VTCN1: variants seen among roughly 807,000 people sequenced by gnomAD.
The protein encoded by VTCN1 is V-set domain-containing T-cell activation inhibitor 1.
In VTCN1, 26 loss-of-function variants were observed where a neutral mutation model predicts 26.5. The observed-to-expected ratio is 0.98, with a 90% CI of 0.72 to 1.36. The LOEUF (loss-of-function observed/expected upper bound fraction) is 1.36. VTCN1 is among the 40% of genes most tolerant of loss of function. VTCN1 has a pLI of 0.00. For synonymous variants in VTCN1, 116 were observed against 130.7 expected, an observed-to-expected ratio of 0.89 and a Z score of 0.77; for missense variants, 298 against 337.7, an observed-to-expected ratio of 0.88 and a Z score of 0.92.
chr1:117,164,482 C>T (rs1025969307), intron 2 of VTCN1, among the ~76,000 whole-genome samples: 6 of 151,974 alleles, frequency 3.9e-5, no homozygotes, highest in African/African-American at 1.5e-4. Context: ...GGAAATTGTG[C>T]AGTTCCTAGG....
At chr1:117,184,321 G>A (rs1029639888) in intron 1 of VTCN1, among the ~76,000 whole-genome samples, 1 of 151,942 alleles carries the variant, frequency 6.6e-6, no homozygotes, top group Non-Finnish European at 1.5e-5. Flanking sequence ...GGCTATCTGC[G>A]AGGCTGACTG....
At chr1:117,186,903 T>C (rs1413753623) in intron 1 of VTCN1, among the ~76,000 whole-genome samples, 2 of 152,032 alleles carry the variant, frequency 1.3e-5, no homozygotes, top group African/African-American at 4.8e-5. Context: ...ATTGACCCTG[T>C]TCTTGAATTC....
At chr1:117,157,564 A>T (rs1652153007) in intron 2 of VTCN1, among the ~76,000 whole-genome samples, 1 of 152,208 alleles carries the variant, frequency 6.6e-6, no homozygotes, top group African/African-American at 2.4e-5. Context: ...CCATGATTCA[A>T]ATGATCTCCC....
rs973450477 is a variant in VTCN1, at chr1:117,147,205, G to A, written c.*45+408C>T. On this transcript the variant is annotated intron_variant, in intron 5 of 5. Coordinates refer to ENST00000369458, the MANE Select transcript of VTCN1 (RefSeq NM_024626.4). This position sits in a 1 kb window ranked among gnomAD's most constrained non-coding sequence, Gnocchi z 4.6. ...AGGAGGGCTAGTTGGTGAGTCATCTGCCAACTGTCCACAGGGGCCGGCTGG... is the reference window on the plus strand; with the variant it reads ...AGGAGGGCTAGTTGGTGAGTCATCTACCAACTGTCCACAGGGGCCGGCTGG... 6.6e-6 allele frequency among the ~76,000 whole-genome samples: 1 copy of A among 152,164 alleles called. No homozygotes were observed. Among genetic ancestry groups the A allele is most frequent in the African/African-American group, 2.4e-5 (1 of 41,434 alleles).
At chr1:117,176,823 G>A (rs898976794) in intron 1 of VTCN1, among the ~76,000 whole-genome samples, 2 of 152,228 alleles carry the variant, frequency 1.3e-5, no homozygotes, top group African/African-American at 4.8e-5. Context: ...TTAAGGCTGA[G>A]TGTGGTGGCT....
At chr1:117,190,533 C>T (rs1648193258) in intron 1 of VTCN1, among the ~76,000 whole-genome samples, 1 of 152,188 alleles carries the variant, frequency 6.6e-6, no homozygotes, top group East Asian at 1.9e-4. Context: ...GATAACAAGC[C>T]CACTGTCCAC....
At chr1:117,194,101 A>G (rs1336495091) in intron 1 of VTCN1, among the ~76,000 whole-genome samples, 9 of 152,208 alleles carry the variant, frequency 5.9e-5, no homozygotes, top group African/African-American at 2.2e-4. Context: ...ATAGAAGAAA[A>G]TATTTGCAAA....
chr1:117,191,771 A>G (rs1332238629), intron 1 of VTCN1, among the ~76,000 whole-genome samples: 3 of 152,110 alleles, frequency 2.0e-5, no homozygotes, highest in East Asian at 3.9e-4. Flanking sequence ...ACAAGAGTGA[A>G]ACTCCATCTC....
In VTCN1 at chr1:117,144,875, T is replaced by C. The variant is rs1358517590; in HGVS notation, c.*396A>G. On this transcript the variant is annotated 3_prime_UTR_variant, in exon 6 of 6. Transcript: ENST00000369458. ...TTCCAGGGGCTTCCTCAGAGCAACATTACAGCACATATAACTAAAAATTCA... is the reference window on the plus strand; with the variant it reads ...TTCCAGGGGCTTCCTCAGAGCAACACTACAGCACATATAACTAAAAATTCA... 1 of 152,578 alleles carries C rather than the reference T, an allele frequency of 6.6e-6. No homozygotes were observed. Among genetic ancestry groups the C allele is most frequent in the Non-Finnish European group, 1.5e-5 (1 of 68,044 alleles). 9.5% of individuals were successfully genotyped at this position (152,578 alleles called of 1,614,324 possible).
intron 1 of VTCN1, among the ~76,000 whole-genome samples, chr1:117,205,023 C>T (rs944612137): frequency 2.0e-5 from 3 of 148,756 alleles, no homozygotes; most frequent in Non-Finnish European, 1.5e-5. Flanking sequence ...CGTATATATA[C>T]ACGTATATAT....
At chr1:117,152,378 A>T in intron 4 of VTCN1, among the ~76,000 whole-genome samples, 1 of 152,200 alleles carries the variant, frequency 6.6e-6, no homozygotes, top group East Asian at 1.9e-4. Context: ...CTTTCACTAC[A>T]GTTTGAATCC....
At chr1:117,173,043 A>G (rs754182855) in intron 1 of VTCN1, 56 of 645,788 alleles carry the variant, frequency 8.7e-5, no homozygotes, top group South Asian at 6.7e-4. Context: ...TTGGGTCTGC[A>G]CTACCTTTAT....
chr1:117,210,889 G>A lies in VTCN1; in HGVS notation c.-34C>T. 2 of 1,613,580 alleles carry A rather than the reference G, an allele frequency of 1.2e-6. No homozygotes were observed. The highest frequency in any genetic ancestry group is 1.7e-6 in the Non-Finnish European group (2 of 1,179,596). ...AAGGTTCCCAGCGTATCTGGGTACT[G>A]GCTGAGTGGAGCTGCCGCTGCCTTC... On this transcript the variant is annotated 5_prime_UTR_variant, in exon 1 of 6. Coordinates refer to ENST00000369458, the MANE Select transcript of VTCN1 (RefSeq NM_024626.4).
chr1:117,158,038 T>C (rs1652176202), intron 2 of VTCN1, among the ~76,000 whole-genome samples: 1 of 152,336 alleles, frequency 6.6e-6, no homozygotes, highest in East Asian at 1.9e-4. Context: ...CTTGGGCAGC[T>C]CCACCCCTGT....
chr1:117,160,745 T>C (rs1406851291), intron 2 of VTCN1, among the ~76,000 whole-genome samples: 5 of 152,234 alleles, frequency 3.3e-5, no homozygotes, highest in Non-Finnish European at 7.3e-5. Context: ...GTTGTTGTTT[T>C]AATGTGAGAG....
intron 1 of VTCN1, among the ~76,000 whole-genome samples, chr1:117,184,675 C>CACACA (rs1647850682): frequency 6.6e-6 from 1 of 152,122 alleles, no homozygotes; most frequent in South Asian, 2.1e-4. Context: ...TGGTGCCCTT[C>CACACA]TTCATGATGT....
At chr1:117,151,281 T>A (rs6703906) in intron 4 of VTCN1, among the ~76,000 whole-genome samples, 1 of 151,252 alleles carries the variant, frequency 6.6e-6, no homozygotes, top group East Asian at 1.9e-4. Flanking sequence ...TCAGATATGG[T>A]GCATCTGGAG....
chr1:117,169,851 T>C lies in VTCN1; in HGVS notation c.97+256A>G, dbSNP rs1652806264. Among the ~76,000 whole-genome samples, 1 of 152,108 alleles carries C rather than the reference T, an allele frequency of 6.6e-6. No homozygotes were observed. The highest frequency in any genetic ancestry group is 6.5e-5 in the Admixed American group (1 of 15,276). On this transcript the variant is annotated intron_variant, in intron 2 of 5. Coordinates refer to ENST00000369458, the MANE Select transcript of VTCN1 (RefSeq NM_024626.4). This position sits in a 1 kb window ranked among gnomAD's most constrained non-coding sequence, Gnocchi z 4.0. The stretch of plus-strand genomic sequence containing the variant: ...TGGAGGTTGCAGTAAGCTGAGATCA[T>C]GCCACTGCACTCCAACCTGGGCAAC...
At chr1:117,196,225 G>A (rs936690709) in intron 1 of VTCN1, among the ~76,000 whole-genome samples, 2 of 152,048 alleles carry the variant, frequency 1.3e-5, no homozygotes, top group Admixed American at 1.3e-4. Flanking sequence ...TCCAACAATA[G>A]GGAACTTAGT....
Sources: allele counts gnomAD v4.1 joint callset (sites outside exome capture counted in the v4.1 genomes callset), GRCh38; gene constraint gnomAD v4.1.1; non-coding constraint Gnocchi (gnomAD v3.1); transcripts MANE v1.5; gene names NCBI Gene and HGNC (gene_info 2026-07-23, HGNC 2026-07-21).